The following MRPS6 variants were observed in gnomAD, a reference collection of about 807,000 sequenced individuals.
MRPS6 encodes mitochondrial ribosomal protein S6, also known as small ribosomal subunit protein bS6m.
In MRPS6, 6 loss-of-function variants were observed where a neutral mutation model predicts 13.1. The ratio of observed to expected loss-of-function variants is 0.46; its 90% confidence interval spans 0.25 to 0.91. The LOEUF (loss-of-function observed/expected upper bound fraction) is 0.91, where lower values mean the gene tolerates loss of function less well. Among genes scored for constraint, MRPS6 ranks in the 40% least tolerant of loss-of-function variants. The pLI, the probability that MRPS6 is intolerant of heterozygous loss-of-function variation, is 0.18. For missense variants in MRPS6, 164 were observed against 155.6 expected, an observed-to-expected ratio of 1.05 and a Z score of -0.29; for synonymous variants, 61 against 56.5, an observed-to-expected ratio of 1.08 and a Z score of -0.36.
Position 34,142,621 on chromosome 21 carries a change from C to A in MRPS6, c.*21C>A. On this transcript the variant is annotated 3_prime_UTR_variant, in exon 3 of 3. Transcript: ENST00000399312. ...AGTGAGAAGATTCGCCAGATTTTAG[C>A]CTTATATGTAATTCCTTCACATTTG... 1.3e-6 allele frequency: 2 copies of A among 1,573,392 alleles called. No homozygotes were observed. The highest frequency in any genetic ancestry group is 2.3e-5 in the East Asian group (1 of 43,762).
In MRPS6 at chr21:34,099,801, G is replaced by A. The variant is rs16991197; in HGVS notation, c.46-25540G>A. The A allele has an allele frequency of 5.7e-3, 4,306 of 760,896 alleles. 161 individuals carry two copies. The African/African-American group carries it at 0.075, about 13-fold the overall frequency. 47.1% of individuals were successfully genotyped at this position (760,896 alleles called of 1,614,324 possible). On this transcript the variant is annotated intron_variant, in intron 1 of 2. Transcript: ENST00000399312. ...GACTATTAGCATATTCATTAGAATT[G>A]TTTATTCTTGCCAGTATAAACATCA...
At chr21:34,078,202 C>T (rs551199042) in intron 1 of MRPS6, among the ~76,000 whole-genome samples, 1 of 152,164 alleles carries the variant, frequency 6.6e-6, no homozygotes, top group African/African-American at 2.4e-5. Flanking sequence ...TTAATAATCT[C>T]TCTTTGTGTT....
At chr21:34,073,938 C>A (rs1160938084) in intron 1 of MRPS6, among the ~76,000 whole-genome samples, 193 bp downstream of exon 1, 1 of 145,400 alleles carries the variant, frequency 6.9e-6, no homozygotes, top group Admixed American at 6.8e-5. Flanking sequence ...CGGCCGCGTG[C>A]GCGCGGGAGG....
chr21:34,126,719 A>G (rs1327590334), intron 2 of MRPS6, among the ~76,000 whole-genome samples: 1 of 152,172 alleles, frequency 6.6e-6, no homozygotes, highest in Non-Finnish European at 1.5e-5. Flanking sequence ...TCATTAGCGC[A>G]GTTCTTGGAT....
At chr21:34,089,058 G>A (rs1052313566) in intron 1 of MRPS6, among the ~76,000 whole-genome samples, 1 of 151,988 alleles carries the variant, frequency 6.6e-6, no homozygotes, top group South Asian at 2.1e-4. Context: ...AGACAGTCTC[G>A]CTCTGTTGCC....
chr21:34,100,896 A>G, intron 1 of MRPS6: 1 of 1,000,140 alleles, frequency 1.0e-6, no homozygotes, highest in Non-Finnish European at 1.2e-6. Flanking sequence ...TTGCTACTCA[A>G]AGGTTAGGTC....
intron 1 of MRPS6, among the ~76,000 whole-genome samples, chr21:34,080,144 A>G (rs2148652880): frequency 6.6e-6 from 1 of 152,308 alleles, no homozygotes; most frequent in East Asian, 1.9e-4. Context: ...TGTAGTGCAA[A>G]TATATGTCCT....
chr21:34,074,597 C>T (rs1351908219), intron 1 of MRPS6, among the ~76,000 whole-genome samples: 1 of 152,208 alleles, frequency 6.6e-6, no homozygotes, highest in Non-Finnish European at 1.5e-5. Flanking sequence ...TGTCCTGGGT[C>T]ATGTACTCCT....
At chr21:34,128,368 C>T (rs891331600) in intron 2 of MRPS6, among the ~76,000 whole-genome samples, 1 of 152,086 alleles carries the variant, frequency 6.6e-6, no homozygotes, top group African/African-American at 2.4e-5. Context: ...GCCCCCTCCG[C>T]CCCCCAAATC....
intron 1 of MRPS6, among the ~76,000 whole-genome samples, chr21:34,121,388 A>T (rs980715118): frequency 6.6e-6 from 1 of 152,228 alleles, no homozygotes; most frequent in Non-Finnish European, 1.5e-5. Flanking sequence ...AAATTGATAA[A>T]TTTTAATAAC....
At chr21:34,128,112 T>C (rs902226515) in intron 2 of MRPS6, among the ~76,000 whole-genome samples, 4 of 152,192 alleles carry the variant, frequency 2.6e-5, no homozygotes, top group African/African-American at 9.7e-5. Flanking sequence ...AAATGGTATG[T>C]CCTAGTGGTG....
At chr21:34,119,016 A>T (rs557841186) in intron 1 of MRPS6, among the ~76,000 whole-genome samples, 1 of 152,124 alleles carries the variant, frequency 6.6e-6, no homozygotes, top group Non-Finnish European at 1.5e-5. Context: ...AGGCATCTTT[A>T]TGTTTCTTAG....
At chr21:34,077,195 A>G (rs377574413) in intron 1 of MRPS6, among the ~76,000 whole-genome samples, 1 of 152,360 alleles carries the variant, frequency 6.6e-6, no homozygotes, top group East Asian at 1.9e-4. Flanking sequence ...TTGGTATTTC[A>G]GTTAGGTAAA....
chr21:34,087,188 C>A (rs145373723), intron 1 of MRPS6, among the ~76,000 whole-genome samples: 2 of 152,258 alleles, frequency 1.3e-5, no homozygotes, highest in African/African-American at 4.8e-5. Flanking sequence ...GTCCAGTTTG[C>A]CTTGTCATTA....
chr21:34,115,963 GATTTT>G (rs1004198059), intron 1 of MRPS6, among the ~76,000 whole-genome samples: 5 of 148,040 alleles, frequency 3.4e-5, no homozygotes, highest in Non-Finnish European at 7.5e-5. Flanking sequence ...TCTCCATGCT[GATTTT>G]ATTTTATTAT....
At chr21:34,091,904 T>C (rs1190030760) in intron 1 of MRPS6, among the ~76,000 whole-genome samples, 1 of 139,218 alleles carries the variant, frequency 7.2e-6, no homozygotes, top group Non-Finnish European at 1.5e-5. Context: ...TACATGCTTT[T>C]CATAACTATA....
chr21:34,102,268 T>C, intron 1 of MRPS6: 2 of 999,822 alleles, frequency 2.0e-6, no homozygotes, highest in Non-Finnish European at 2.4e-6. Flanking sequence ...ATTCACTTAG[T>C]AGTCATATAA....
At chr21:34,103,699 T>C in intron 1 of MRPS6, 1 of 1,000,146 alleles carries the variant, frequency 1.0e-6, no homozygotes, top group Non-Finnish European at 1.2e-6. Context: ...CTATGAGCAC[T>C]ACAGTATTGA....
chr21:34,133,020 C>T (rs369320045), intron 2 of MRPS6, among the ~76,000 whole-genome samples: 1 of 152,172 alleles, frequency 6.6e-6, no homozygotes. Context: ...AGTATTGTTG[C>T]TGGGGAGAGG....
Sources: gnomAD v4.1 joint callset for allele counts (sites outside exome capture counted in the v4.1 genomes callset) on GRCh38, gnomAD v4.1.1 for gene constraint, MANE v1.5 for transcripts, NCBI Gene and HGNC (gene_info 2026-07-23, HGNC 2026-07-21) for gene names.